PCNX2: variants seen among roughly 807,000 people sequenced by gnomAD.
The protein encoded by PCNX2 is pecanex-like protein 2.
PCNX2 carries 168 observed loss-of-function variants against 223.8 expected under a neutral mutation model. That is an observed-to-expected ratio of 0.75 (90% confidence interval 0.66 to 0.85). The LOEUF is 0.85. Ranked by LOEUF, PCNX2 falls within the 40% of genes least tolerant of loss-of-function variation. PCNX2 has a pLI of 0.00. For synonymous variants in PCNX2, 1,006 were observed against 1,052.6 expected, an observed-to-expected ratio of 0.96 and a Z score of 0.86; for missense variants, 2,507 against 2,675.5, an observed-to-expected ratio of 0.94 and a Z score of 1.39.
At chr1:233,265,991 T>G (rs1428644011) in intron 1 of PCNX2, among the ~76,000 whole-genome samples, 2 of 152,218 alleles carry the variant, frequency 1.3e-5, no homozygotes, top group African/African-American at 4.8e-5. Flanking sequence ...GAAGTTACCA[T>G]GAGTACTAGC....
chr1:233,042,089 CA>C (rs1558183080), intron 25 of PCNX2, among the ~76,000 whole-genome samples: 1 of 152,138 alleles, frequency 6.6e-6, no homozygotes, highest in Non-Finnish European at 1.5e-5. Flanking sequence ...TATTCCAAAT[CA>C]AAAAAATTCA....
At chr1:233,291,072 GT>G (rs1249176909) in intron 1 of PCNX2, 37 of 985,258 alleles carry the variant, frequency 3.8e-5, no homozygotes, top group Non-Finnish European at 4.5e-5. Flanking sequence ...AGCCTTCAAA[GT>G]GCTCTTATAT....
chr1:233,290,897 G>A (rs1661722630), intron 1 of PCNX2: 1 of 985,406 alleles, frequency 1.0e-6, no homozygotes, highest in Non-Finnish European at 1.2e-6. Context: ...AAACATATAT[G>A]CCAGGCCTGG....
chr1:233,016,679 C>T (rs1049200928), intron 27 of PCNX2: 10 of 762,738 alleles, frequency 1.3e-5, no homozygotes, highest in Admixed American at 6.3e-5. Context: ...CTTAAAACTT[C>T]GCTGGCCCTG....
At position 233,218,125 on chromosome 1, in the gene PCNX2, A is replaced by G; in HGVS notation, c.2564T>C (p.Leu855Pro). 1 of 1,536,464 alleles carries G rather than the reference A, an allele frequency of 6.5e-7. No individual in the cohort carries two copies. Among genetic ancestry groups the G allele is most frequent in the Non-Finnish European group, 8.8e-7 (1 of 1,138,476 alleles). The change falls in exon 11 of 34, where the codon CTT (leucine) becomes CCT (proline). Residue 855 changes from leucine (L) to proline (P), a missense_variant. By Grantham distance (98) the Leu-to-Pro change is moderately conservative. This residue lies in a region of PCNX2 where 104 missense variants were observed against 144.4 expected (regional missense o/e 0.72). Coordinates refer to ENST00000258229, the MANE Select transcript of PCNX2 (RefSeq NM_014801.4). ...GCCTTGGCTCAAGGTCAGAAATCCAAGGAGGGAAACCAGGACAATGAGTAA... is the reference window on the plus strand; with the variant it reads ...GCCTTGGCTCAAGGTCAGAAATCCAGGGAGGGAAACCAGGACAATGAGTAA... ...AILLIVLVSL[L>P]GFLTLSQGFC...
At chr1:233,182,053 T>C (rs1459901925) in intron 15 of PCNX2, among the ~76,000 whole-genome samples, 1 of 152,230 alleles carries the variant, frequency 6.6e-6, no homozygotes, top group African/African-American at 2.4e-5. Flanking sequence ...GTAACTCCCA[T>C]GAGTGGAGGT....
chr1:233,006,592 T>TG lies in PCNX2; in HGVS notation c.4953-4912dup, dbSNP rs201390836. 7.6e-3 allele frequency among the ~76,000 whole-genome samples: 1,150 copies of TG among 152,240 alleles called. 14 individuals are homozygous for TG. The highest frequency in any genetic ancestry group is 0.027 in the African/African-American group (1,106 of 41,554). ...GAGAAGGGCTCCAAGTATTGGACAA[T>TG]GGGGTCCTTATCTTAAGTCTTAATG... On this transcript the variant is annotated intron_variant, in intron 28 of 33. Coordinates refer to ENST00000258229, the MANE Select transcript of PCNX2 (RefSeq NM_014801.4).
rs78558983 is a variant in PCNX2, at chr1:233,159,821, C to T, written c.3517+462G>A. On this transcript the variant is annotated intron_variant, in intron 19 of 33. Transcript: ENST00000258229. ...TGTAGGCCTAGATGAACAAAGCAAG[C>T]TAAAGAAAATGCAAGTGTTCAGGAG... Among the ~76,000 whole-genome samples the T allele has an allele frequency of 1.2e-4, 18 of 152,218 alleles. No individual in the cohort carries two copies. The East Asian group carries it at 3.3e-3, about 28-fold the overall frequency.
At chr1:233,080,246 T>C (rs1267152136) in intron 23 of PCNX2, among the ~76,000 whole-genome samples, 2 of 152,168 alleles carry the variant, frequency 1.3e-5, no homozygotes, top group Non-Finnish European at 2.9e-5. Flanking sequence ...TCCTTATTTC[T>C]ATTTCTTTTG....
chr1:233,141,191 A>C (rs1677089403), intron 19 of PCNX2, among the ~76,000 whole-genome samples: 1 of 152,226 alleles, frequency 6.6e-6, no homozygotes, highest in South Asian at 2.1e-4. Flanking sequence ...CAAGATTAGC[A>C]TACAAATTGT....
At chr1:233,041,863 A>G (rs1671656092) in intron 25 of PCNX2, among the ~76,000 whole-genome samples, 1 of 152,230 alleles carries the variant, frequency 6.6e-6, no homozygotes, top group Non-Finnish European at 1.5e-5. Context: ...GGTGATTCCA[A>G]ACAACCACAG....
intron 9 of PCNX2, among the ~76,000 whole-genome samples, chr1:233,233,124 C>T (rs1658169816): frequency 6.6e-6 from 1 of 152,144 alleles, no homozygotes; most frequent in Non-Finnish European, 1.5e-5. Context: ...TGCCCAGGTA[C>T]TGGCCCATAA....
chr1:233,310,254 T>G, the PCNX2 span, among the ~76,000 whole-genome samples: 8 of 152,162 alleles, frequency 5.3e-5, no homozygotes, highest in Non-Finnish European at 8.8e-5. Flanking sequence ...AAATTTTTGC[T>G]CAAAACCTGT....
At chr1:233,013,268 A>G (rs1458152092) in intron 28 of PCNX2, among the ~76,000 whole-genome samples, 2 of 152,234 alleles carry the variant, frequency 1.3e-5, no homozygotes, top group Non-Finnish European at 2.9e-5. Flanking sequence ...AGAGTAGTTG[A>G]TATCACAAAT....
chr1:232,996,908 CAT>C (rs1353725845), intron 32 of PCNX2, among the ~76,000 whole-genome samples: 2 of 152,202 alleles, frequency 1.3e-5, no homozygotes, highest in Admixed American at 6.5e-5. Context: ...CAAAGGCACA[CAT>C]GACTCCTTCT....
At chr1:233,231,675 G>C in intron 9 of PCNX2, 1 of 985,044 alleles carries the variant, frequency 1.0e-6, no homozygotes, top group Non-Finnish European at 1.2e-6. Context: ...GTAGACAGAA[G>C]AAAAAGTGGT....
Position 233,291,820 on chromosome 1 carries a change from T to C in PCNX2, c.153+3506A>G, listed in dbSNP as rs146507419. On this transcript the variant is annotated intron_variant, in intron 1 of 33. Transcript: ENST00000258229. ...TTTAAATATCTCTCAAGACTAACCA[T>C]CTTTCAGTTTGTCCAAAAGAAAAGG... The C allele has an allele frequency of 7.9e-3, 7,805 of 982,708 alleles. 49 individuals are homozygous for C. Among genetic ancestry groups the C allele is most frequent in the Middle Eastern group, 0.035 (67 of 1,890 alleles). 60.9% of individuals were successfully genotyped at this position (982,708 alleles called of 1,614,324 possible).
At chr1:233,197,560 G>A (rs976874145) in intron 15 of PCNX2, among the ~76,000 whole-genome samples, 2 of 152,118 alleles carry the variant, frequency 1.3e-5, no homozygotes, top group Admixed American at 6.5e-5. Flanking sequence ...GGTAACAAAC[G>A]GGCCACTACA....
chr1:233,193,053 A>ATATT (rs1680509927), intron 15 of PCNX2, among the ~76,000 whole-genome samples: 2 of 147,296 alleles, frequency 1.4e-5, no homozygotes, highest in South Asian at 4.2e-4. Flanking sequence ...TAAAATTTAT[A>ATATT]TATTATTATA....
Sources: gnomAD v4.1 joint callset for allele counts (sites outside exome capture counted in the v4.1 genomes callset) on GRCh38, gnomAD v4.1.1 for gene constraint, gnomAD v4.1.1 regional missense constraint, MANE v1.5 for transcripts, NCBI Gene and HGNC (gene_info 2026-07-23, HGNC 2026-07-21) for gene names.